Variants in ITGA9 observed in about 807,000 individuals in gnomAD.
ITGA9 encodes integrin alpha-9.
ITGA9 carries 56 observed loss-of-function variants against 127.8 expected under a neutral mutation model. The ratio of observed to expected loss-of-function variants is 0.44; its 90% CI spans 0.35 to 0.55. The LOEUF (loss-of-function observed/expected upper bound fraction) is 0.55, where lower values mean the gene tolerates loss of function less well. Ranked by LOEUF, ITGA9 falls within the 20% of genes least tolerant of loss-of-function variation. The pLI is 0.00. For synonymous variants in ITGA9, 508 were observed against 514.5 expected, an observed-to-expected ratio of 0.99 and a Z score of 0.17; for missense variants, 1,196 against 1,347.1, an observed-to-expected ratio of 0.89 and a Z score of 1.76.
chr3:37,650,728 GC>G (rs1045234060), intron 16 of ITGA9, among the ~76,000 whole-genome samples: 2 of 152,028 alleles, frequency 1.3e-5, no homozygotes, highest in Non-Finnish European at 2.9e-5. Context: ...ACCATGCCTG[GC>G]CCCACCATCC....
At chr3:37,551,847 C>T (rs569650179) in intron 15 of ITGA9, among the ~76,000 whole-genome samples, 3 of 152,302 alleles carry the variant, frequency 2.0e-5, no homozygotes, top group Admixed American at 6.5e-5. Context: ...CTTTGGTGTC[C>T]GAGACACATC....
Position 37,518,771 on chromosome 3 carries a change from C to CTTTTTTTTTTTTTT in ITGA9, c.1142-471_1142-458dup, listed in dbSNP as rs543297344. 5.1e-4 allele frequency among the ~76,000 whole-genome samples: 22 copies of CTTTTTTTTTTTTTT among 43,514 alleles called. 6 individuals are homozygous for CTTTTTTTTTTTTTT. The highest frequency in any genetic ancestry group is 1.4e-3 in the African/African-American group (15 of 10,722). The allele number at this position is 43,514 out of a possible 152,430, so 28.5% of individuals were successfully genotyped here. Reference sequence around the variant, plus strand: ...GTCAGCTTCTATAGTTTTCACTGTACTTTTTTTTTTTTTTTTTTTTTTTTT... The same window carrying CTTTTTTTTTTTTTT: ...GTCAGCTTCTATAGTTTTCACTGTACTTTTTTTTTTTTTTTTTTTTTTTTTTTTTTTTTTTTTTT... On this transcript the variant is annotated intron_variant, in intron 10 of 27. Transcript: ENST00000264741.
chr3:37,488,212 C>T (rs1452042843), intron 4 of ITGA9, among the ~76,000 whole-genome samples: 6 of 152,186 alleles, frequency 3.9e-5, no homozygotes, highest in Admixed American at 3.9e-4. Flanking sequence ...CAGGCCTGAG[C>T]CACTGCAGCT....
chr3:37,535,736 G>A (rs1004997612), intron 14 of ITGA9, among the ~76,000 whole-genome samples: 1 of 152,192 alleles, frequency 6.6e-6, no homozygotes, highest in African/African-American at 2.4e-5. Flanking sequence ...TACACTCTAA[G>A]GGTGTGTTTC....
chr3:37,506,218 C>A (rs996528227), intron 7 of ITGA9, 133 bp downstream of exon 7: 2 of 729,690 alleles, frequency 2.7e-6, no homozygotes, highest in African/African-American at 3.5e-5. Context: ...TGATGAGGAA[C>A]CCCCTGACTG....
rs901587692 is a variant in ITGA9, at chr3:37,452,394, C to G, written c.20C>G (p.Pro7Arg). The change falls in exon 1 of 28, where the codon CCG becomes CGG. Residue 7 changes from proline (P) to arginine (R), a missense_variant. Physicochemically the swap from Pro to Arg is moderately radical, Grantham distance 103 (BLOSUM62 -2). Transcript: ENST00000264741. The surrounding 1 kb of genome is among the most constrained non-coding windows in gnomAD (Gnocchi z 7.3). MGGPAA[P>R]RGAGRLRALL... ...CTGGGGATGGGCGGCCCGGCTGCGC[C>G]GAGGGGCGCCGGGAGGCTCCGCGCG... 16 of 1,349,450 alleles carry G rather than the reference C, an allele frequency of 1.2e-5. No homozygotes were observed. In the African/African-American group the frequency reaches 2.0e-4, roughly 17 times the overall value. The allele number at this position is 1,349,450 out of a possible 1,614,324, so 83.6% of individuals were successfully genotyped here. A position where few individuals can be genotyped will look rare whatever the true frequency, so the allele number is the denominator to read the frequency against.
At chr3:37,816,750 T>C (rs998042860) in intron 27 of ITGA9, among the ~76,000 whole-genome samples, 5 of 152,192 alleles carry the variant, frequency 3.3e-5, no homozygotes, top group African/African-American at 1.2e-4. Flanking sequence ...TGTGGTCTTA[T>C]GCTGGGAAGA....
intron 15 of ITGA9, among the ~76,000 whole-genome samples, chr3:37,563,107 G>C (rs1273492725): frequency 2.6e-5 from 4 of 152,062 alleles, no homozygotes; most frequent in African/African-American, 9.7e-5. Flanking sequence ...ATGAACATAT[G>C]CTCAAGATAT....
At chr3:37,466,339 G>A (rs1306197313) in intron 1 of ITGA9, among the ~76,000 whole-genome samples, 1 of 151,636 alleles carries the variant, frequency 6.6e-6, no homozygotes, top group African/African-American at 2.4e-5. Flanking sequence ...AAAAATTAGC[G>A]GGGCGTGGTG....
intron 20 of ITGA9, among the ~76,000 whole-genome samples, chr3:37,739,819 G>C (rs1575215267): frequency 6.6e-6 from 1 of 152,210 alleles, no homozygotes; most frequent in South Asian, 2.1e-4. Flanking sequence ...ATGCTGGGGT[G>C]GGGGCGGGAG....
chr3:37,620,958 G>C (rs941606023), intron 15 of ITGA9, among the ~76,000 whole-genome samples: 1 of 152,176 alleles, frequency 6.6e-6, no homozygotes, highest in Admixed American at 6.5e-5. Flanking sequence ...CAGCAACCAA[G>C]TGTTGGCAGA....
At chr3:37,793,967 C>T (rs1168833881) in intron 26 of ITGA9, among the ~76,000 whole-genome samples, 1 of 152,128 alleles carries the variant, frequency 6.6e-6, no homozygotes, top group Non-Finnish European at 1.5e-5. Flanking sequence ...AGAGGGGACC[C>T]AAAAGGATCT....
chr3:37,615,409 A>G (rs1700064242), intron 15 of ITGA9, among the ~76,000 whole-genome samples: 1 of 152,090 alleles, frequency 6.6e-6, no homozygotes, highest in Non-Finnish European at 1.5e-5. Flanking sequence ...TTCATCAGGG[A>G]TACTGGTCTA....
At chr3:37,520,127 G>A (rs900906313) in intron 11 of ITGA9, among the ~76,000 whole-genome samples, 6 of 152,156 alleles carry the variant, frequency 3.9e-5, no homozygotes, top group Admixed American at 2.6e-4. Flanking sequence ...TTAAGAGGCA[G>A]CAGGTAAATG....
At chr3:37,801,978 T>C (rs1438817466) in intron 26 of ITGA9, among the ~76,000 whole-genome samples, 2 of 152,090 alleles carry the variant, frequency 1.3e-5, no homozygotes, top group Non-Finnish European at 2.9e-5. Flanking sequence ...GAAGAGCCAG[T>C]AAGTAATTCA....
chr3:37,771,862 A>G (rs1158741521), intron 23 of ITGA9, among the ~76,000 whole-genome samples: 1 of 151,818 alleles, frequency 6.6e-6, no homozygotes, highest in Non-Finnish European at 1.5e-5. Flanking sequence ...TGAGGTTTCC[A>G]GGCTAGTGGT....
intron 26 of ITGA9, chr3:37,790,335 G>A: frequency 1.9e-6 from 1 of 530,220 alleles, no homozygotes; most frequent in Non-Finnish European, 3.8e-6. Flanking sequence ...ACAGGAGGCT[G>A]TTGGTAGAGG....
chr3:37,507,289 T>C (rs78544469), intron 7 of ITGA9, among the ~76,000 whole-genome samples: 8,334 of 152,280 alleles, frequency 0.055, 283 homozygotes, highest in East Asian at 0.094. Context: ...CACATTGATG[T>C]TGTCTTCTTG....
At chr3:37,726,756 T>C (rs1168149255) in intron 18 of ITGA9, among the ~76,000 whole-genome samples, 1 of 152,170 alleles carries the variant, frequency 6.6e-6, no homozygotes, top group East Asian at 1.9e-4. Context: ...ATTTAATAAA[T>C]GCAGACTCAG....
Sources: allele counts gnomAD v4.1 joint callset (sites outside exome capture counted in the v4.1 genomes callset), GRCh38; gene constraint gnomAD v4.1.1; non-coding constraint Gnocchi (gnomAD v3.1); transcripts MANE v1.5; gene names NCBI Gene and HGNC (gene_info 2026-07-23, HGNC 2026-07-21).